FGF13: variants seen among roughly 807,000 people sequenced by gnomAD.
FGF13 encodes the protein fibroblast growth factor 13.
FGF13 carries 2 observed loss-of-function variants against 19.5 expected under a neutral mutation model. The ratio of observed to expected loss-of-function variants is 0.10; its 90% CI spans 0.04 to 0.32. FGF13 has a LOEUF of 0.32. Ranked by LOEUF, FGF13 falls within the 10% of genes least tolerant of loss-of-function variation. The pLI, the probability that FGF13 is intolerant of heterozygous loss-of-function variation, is 1.00. For missense variants in FGF13, 113 were observed against 192.7 expected (o/e 0.59, Z 2.45); for synonymous variants, 72 against 76.9 (o/e 0.94, Z 0.33).
chrX:139,035,679 A>T (rs1286686070), intron 1 of FGF13, among the ~76,000 whole-genome samples: 1 of 111,372 alleles, frequency 9.0e-6, no homozygotes, highest in African/African-American at 3.3e-5. Flanking sequence ...GTGATGAAGA[A>T]TTTTTGGAGT....
At chrX:139,134,169 G>A (rs1260047738) in intron 1 of FGF13, among the ~76,000 whole-genome samples, 5 of 111,521 alleles carry the variant, frequency 4.5e-5, no homozygotes, top group Non-Finnish European at 9.4e-5. Flanking sequence ...AACCTCACTT[G>A]GGTCTTCAAC....
intron 1 of FGF13, among the ~76,000 whole-genome samples, chrX:138,942,171 G>A (rs2091761567): frequency 9.0e-6 from 1 of 111,616 alleles, no homozygotes; most frequent in Admixed American, 9.5e-5. Flanking sequence ...TTGGAAGTTG[G>A]TATTATTATT....
chrX:138,812,352 C>T (rs1164407429), intron 3 of FGF13, among the ~76,000 whole-genome samples: 1 of 111,974 alleles, frequency 8.9e-6, no homozygotes, highest in South Asian at 3.7e-4. Flanking sequence ...AACAATGGTG[C>T]TATGAACATT....
intron 3 of FGF13, among the ~76,000 whole-genome samples, chrX:138,644,418 C>T (rs933156032): frequency 9.0e-6 from 1 of 111,018 alleles, no homozygotes; most frequent in Non-Finnish European, 1.9e-5. Flanking sequence ...GCTGGGATTA[C>T]AGGCAAGGGC....
In FGF13 at chrX:138,942,848, G is replaced by GT. The variant is rs200157587; in HGVS notation, c.-112-78199dup. On this transcript the variant is annotated intron_variant, in intron 1 of 2. Coordinates refer to the FGF13 transcript ENST00000421460. ...TACTGTGTTCTTCAAGTATCTTGTT[G>GT]TTTTTTTTGTTTGTTTGTTTGTTTT... 3.9e-3 allele frequency among the ~76,000 whole-genome samples: 437 copies of GT among 110,889 alleles called. 3 individuals are homozygous for GT. The highest frequency in any genetic ancestry group is 0.014 in the African/African-American group (414 of 30,502).
At chrX:139,196,153 A>C (rs569950304) in intron 1 of FGF13, among the ~76,000 whole-genome samples, 16 of 112,333 alleles carry the variant, frequency 1.4e-4, no homozygotes, top group African/African-American at 4.5e-4. Flanking sequence ...ACAGACTGAA[A>C]GCATATACCA....
At position 138,630,732 on chromosome X, in the gene FGF13, C is replaced by T. The variant is rs781421055; in HGVS notation, c.*2118G>A. 2.7e-5 allele frequency: 3 copies of T among 111,619 alleles called. No homozygotes were observed. Among genetic ancestry groups the T allele is most frequent in the African/African-American group, 9.8e-5 (3 of 30,740 alleles). 9.2% of individuals were successfully genotyped at this position (111,619 alleles called of 1,213,427 possible). ...TGCTCTGAAAAGCACTAGTCAACTA[C>T]GTTTTATGTATTTCACAATTCTTCC... is the stretch of plus-strand genomic sequence containing the variant. On this transcript the variant is annotated 3_prime_UTR_variant, in exon 5 of 5. Transcript: ENST00000315930.
intron 1 of FGF13, among the ~76,000 whole-genome samples, chrX:139,034,683 T>C (rs1344729390): frequency 1.8e-5 from 2 of 111,662 alleles, no homozygotes; most frequent in African/African-American, 6.5e-5. Flanking sequence ...ACTGGGCTTA[T>C]TTTTCTTAAA....
chrX:138,914,563 C>T (rs2091608244), intron 1 of FGF13, among the ~76,000 whole-genome samples: 1 of 108,675 alleles, frequency 9.2e-6, no homozygotes, highest in Non-Finnish European at 1.9e-5. Flanking sequence ...ACATTGGCAG[C>T]TTCCAAAACC....
At chrX:138,958,652 G>A (rs2091853544) in intron 1 of FGF13, among the ~76,000 whole-genome samples, 1 of 111,615 alleles carries the variant, frequency 9.0e-6, no homozygotes, top group African/African-American at 3.3e-5. Context: ...GTCTGGTCCT[G>A]GACTTTTTTT....
At chrX:139,126,338 C>A (rs1300276616) in intron 1 of FGF13, among the ~76,000 whole-genome samples, 15 of 111,623 alleles carry the variant, frequency 1.3e-4, no homozygotes, top group Non-Finnish European at 5.6e-5. Flanking sequence ...CTTCCCAGAC[C>A]TTTTGCCCTG....
chrX:138,929,854 C>CTGTGTG (rs577806507), intron 1 of FGF13, among the ~76,000 whole-genome samples: 187 of 96,284 alleles, frequency 1.9e-3, no homozygotes, highest in Middle Eastern at 0.01. Context: ...ACTGCCTTAG[C>CTGTGTG]TGTGTGTGTG....
At chrX:139,085,122 T>C (rs1469980037) in intron 1 of FGF13, among the ~76,000 whole-genome samples, 1 of 111,902 alleles carries the variant, frequency 8.9e-6, no homozygotes, top group African/African-American at 3.3e-5. Context: ...ACGAACACCA[T>C]GTTGCTTCCT....
intron 1 of FGF13, among the ~76,000 whole-genome samples, chrX:139,163,479 C>T (rs1052416092): frequency 3.6e-5 from 4 of 110,635 alleles, no homozygotes; most frequent in Admixed American, 9.7e-5. Context: ...CACCATGGCA[C>T]GTGTATACCT....
chrX:138,925,116 G>A (rs761600276), intron 1 of FGF13, among the ~76,000 whole-genome samples: 1 of 111,869 alleles, frequency 8.9e-6, no homozygotes, highest in South Asian at 3.8e-4. Flanking sequence ...CATTTGTTGA[G>A]GGACTTTATG....
At chrX:138,660,934 A>G (rs533961371) in intron 3 of FGF13, among the ~76,000 whole-genome samples, 20 of 111,980 alleles carry the variant, frequency 1.8e-4, no homozygotes, top group Admixed American at 1.4e-3. Flanking sequence ...TAAGAAAAAT[A>G]TAACTAGGAA....
Position 138,627,185 on chromosome X carries a change from G to A in FGF13, c.*5665C>T, listed in dbSNP as rs1321595631. 9.0e-6 allele frequency: 1 copy of A among 111,359 alleles called. No individual in the cohort carries two copies. 9.2% of individuals were successfully genotyped at this position (111,359 alleles called of 1,213,427 possible). A position where few individuals can be genotyped will look rare whatever the true frequency, so the allele number is the denominator to read the frequency against. On this transcript the variant is annotated 3_prime_UTR_variant, in exon 5 of 5. Transcript: ENST00000315930. ...TATCTTTGTGTGAATGCTTTATCCAGGCCTCAGTAATGTGCTGTGAAGCGC... is the reference window on the plus strand; with the variant it reads ...TATCTTTGTGTGAATGCTTTATCCAAGCCTCAGTAATGTGCTGTGAAGCGC...
intron 1 of FGF13, among the ~76,000 whole-genome samples, chrX:138,944,329 A>G (rs1490917165): frequency 1.8e-5 from 2 of 110,923 alleles, no homozygotes; most frequent in Non-Finnish European, 3.8e-5. Flanking sequence ...TAACATTTCA[A>G]TAAGCCTAAG....
chrX:138,942,218 G>A (rs1603051777), intron 1 of FGF13, among the ~76,000 whole-genome samples: 1 of 111,361 alleles, frequency 9.0e-6, no homozygotes, highest in Non-Finnish European at 1.9e-5. Context: ...GAGGCTGAGG[G>A]TGAACCATTT....
Sources: allele counts gnomAD v4.1 joint callset (sites outside exome capture counted in the v4.1 genomes callset), GRCh38; gene constraint gnomAD v4.1.1; transcripts MANE v1.5; gene names NCBI Gene and HGNC (gene_info 2026-07-23, HGNC 2026-07-21).